The following SHISA6 variants were observed in gnomAD, a reference collection of about 807,000 sequenced individuals.
SHISA6 encodes the protein shisa family member 6.
In SHISA6, 22 loss-of-function variants were observed where a neutral mutation model predicts 47.9. The ratio of observed to expected loss-of-function variants is 0.46; its 90% CI spans 0.33 to 0.66. SHISA6 has a LOEUF of 0.66. Ranked by LOEUF, SHISA6 falls within the 30% of genes least tolerant of loss-of-function variation. The pLI, the probability that SHISA6 is intolerant of heterozygous loss-of-function variation, is 0.02. For missense variants in SHISA6, 680 were observed against 764.6 expected (o/e 0.89, Z 1.30); for synonymous variants, 388 against 337.8 (o/e 1.15, Z -1.63).
chr17:11,266,780 A>G (rs1160496347), intron 2 of SHISA6, among the ~76,000 whole-genome samples: 1 of 152,310 alleles, frequency 6.6e-6, no homozygotes, highest in South Asian at 2.1e-4. Flanking sequence ...GGCAGGGCCC[A>G]TGGGATTGTG....
rs1323883264 is a variant in SHISA6, at chr17:11,277,257, C to CTG, written c.799+13732_799+13733insGT. Among the ~76,000 whole-genome samples the CTG allele has an allele frequency of 8.1e-5, 8 of 99,202 alleles. No individual in the cohort carries two copies. In the South Asian group the frequency reaches 2.3e-3, roughly 28 times the overall value. 65.1% of individuals were successfully genotyped at this position (99,202 alleles called of 152,430 possible). ...GGTTTCTCTTTCTCTCTCTCTCTCT[C>CTG]TCTCTCTCTCTCTCTCTCTCTCTCA... is the stretch of plus-strand genomic sequence containing the variant. On this transcript the variant is annotated intron_variant, in intron 2 of 5. Transcript: ENST00000441885.
At chr17:11,367,382 C>T (rs1365553216) in intron 2 of SHISA6, among the ~76,000 whole-genome samples, 1 of 152,118 alleles carries the variant, frequency 6.6e-6, no homozygotes, top group Admixed American at 6.5e-5. Flanking sequence ...CTGTAAATTC[C>T]CTGTGAACAA....
rs1464896863 is a variant in SHISA6, at chr17:11,514,599, T to C, written c.896-37297T>C. On this transcript the variant is annotated intron_variant, in intron 3 of 5. Coordinates refer to ENST00000441885, the MANE Select transcript of SHISA6 (RefSeq NM_207386.4). ...CCATATGACCTCAGCCTTCCTCACA[T>C]GGGCAGCATCCCCCTGTGAAGCACA... Among the ~76,000 whole-genome samples the C allele has an allele frequency of 3.9e-5, 6 of 152,334 alleles. No homozygotes were observed. In the East Asian group the frequency reaches 7.7e-4, roughly 20 times the overall value.
intron 3 of SHISA6, among the ~76,000 whole-genome samples, chr17:11,534,886 T>C (rs1425666930): frequency 6.6e-6 from 1 of 152,184 alleles, no homozygotes; most frequent in East Asian, 1.9e-4. Context: ...TCCCAGCACT[T>C]TGGGAGGCCA....
intron 2 of SHISA6, chr17:11,290,129 T>G (rs1337509227): frequency 6.6e-6 from 1 of 152,156 alleles, no homozygotes; most frequent in East Asian, 1.9e-4. Flanking sequence ...TCTTTGTTCA[T>G]ATTTTGTTAT....
At chr17:11,396,537 G>T (rs1913577322) in intron 3 of SHISA6, among the ~76,000 whole-genome samples, 1 of 152,298 alleles carries the variant, frequency 6.6e-6, no homozygotes, top group African/African-American at 2.4e-5. Context: ...TGGAATTTCT[G>T]GTTCTAGATC....
intron 1 of SHISA6, among the ~76,000 whole-genome samples, chr17:11,248,139 A>G (rs1396169798): frequency 6.6e-6 from 1 of 152,268 alleles, no homozygotes; most frequent in Non-Finnish European, 1.5e-5. Context: ...TTACCAGTGA[A>G]TCCTCAGAGG....
chr17:11,251,871 C>G (rs1444305180), intron 1 of SHISA6, among the ~76,000 whole-genome samples: 1 of 152,168 alleles, frequency 6.6e-6, no homozygotes, highest in East Asian at 1.9e-4. Flanking sequence ...TACTCTCCAG[C>G]TCCCAACCTG....
chr17:11,407,478 A>G (rs984825469), intron 3 of SHISA6, among the ~76,000 whole-genome samples: 1 of 138,282 alleles, frequency 7.2e-6, no homozygotes, highest in Non-Finnish European at 1.6e-5. Flanking sequence ...AGCAGTCCTC[A>G]AAGTTTAGCA....
At chr17:11,483,871 G>A (rs980749521) in intron 3 of SHISA6, among the ~76,000 whole-genome samples, 1 of 152,138 alleles carries the variant, frequency 6.6e-6, no homozygotes, top group Admixed American at 6.5e-5. Context: ...CAGGAGGATC[G>A]CTTGAGTCCA....
At chr17:11,257,677 AAAAG>A (rs1908070388) in intron 1 of SHISA6, among the ~76,000 whole-genome samples, 1 of 151,228 alleles carries the variant, frequency 6.6e-6, no homozygotes, top group Non-Finnish European at 1.5e-5. Context: ...AAAAAAGAAA[AAAAG>A]AAAAGAAAAG....
intron 2 of SHISA6, among the ~76,000 whole-genome samples, chr17:11,305,603 G>C (rs1230439571): frequency 6.6e-6 from 1 of 152,254 alleles, no homozygotes; most frequent in Non-Finnish European, 1.5e-5. Flanking sequence ...GAAATCGGAA[G>C]TTTCTCTCTT....
intron 2 of SHISA6, among the ~76,000 whole-genome samples, chr17:11,267,522 G>C (rs1396828155): frequency 6.6e-6 from 1 of 152,116 alleles, no homozygotes; most frequent in Non-Finnish European, 1.5e-5. Flanking sequence ...AATTTACTTG[G>C]TCTATAGTAG....
intron 3 of SHISA6, among the ~76,000 whole-genome samples, chr17:11,430,119 A>C (rs1027608539): frequency 6.6e-5 from 10 of 152,210 alleles, no homozygotes; most frequent in Non-Finnish European, 1.3e-4. Flanking sequence ...TAAGTGTCAC[A>C]CAGCTAAGAA....
intron 3 of SHISA6, among the ~76,000 whole-genome samples, chr17:11,512,917 C>A (rs1300572053): frequency 6.6e-6 from 1 of 151,812 alleles, no homozygotes; most frequent in African/African-American, 2.4e-5. Flanking sequence ...AGATTATTTT[C>A]AATTTTTTGG....
chr17:11,558,619 C>A lies in SHISA6; in HGVS notation c.*315C>A. ...CAACTCCCTTTCCGTCCCGCGCCTC[C>A]TTCTCCCCATCCGGGGGACTCAGCT... On this transcript the variant is annotated 3_prime_UTR_variant, in exon 6 of 6. Transcript: ENST00000441885. 2.5e-6 allele frequency: 1 copy of A among 403,864 alleles called. No individual in the cohort carries two copies. The highest frequency in any genetic ancestry group is 4.5e-6 in the Non-Finnish European group (1 of 220,520). The allele number at this position is 403,864 out of a possible 1,614,324, so 25.0% of individuals were successfully genotyped here.
chr17:11,242,494 C>G (rs1293700935), intron 1 of SHISA6, among the ~76,000 whole-genome samples: 1 of 152,130 alleles, frequency 6.6e-6, no homozygotes, highest in Admixed American at 6.6e-5. Context: ...AAAGCGGTAC[C>G]AAGTGGCTTA....
intron 3 of SHISA6, among the ~76,000 whole-genome samples, chr17:11,488,030 G>A (rs1338712970): frequency 6.6e-6 from 1 of 152,218 alleles, no homozygotes; most frequent in Admixed American, 6.5e-5. Context: ...TGGGGTTCAG[G>A]AGCAGTGGGA....
At chr17:11,394,358 T>C (rs990456626) in intron 3 of SHISA6, among the ~76,000 whole-genome samples, 6 of 152,238 alleles carry the variant, frequency 3.9e-5, no homozygotes, top group Non-Finnish European at 7.3e-5. Flanking sequence ...TTTTCATTTC[T>C]AATATTCCAG....
Sources: gnomAD v4.1 joint callset for allele counts (sites outside exome capture counted in the v4.1 genomes callset) on GRCh38, gnomAD v4.1.1 for gene constraint, MANE v1.5 for transcripts, NCBI Gene and HGNC (gene_info 2026-07-23, HGNC 2026-07-21) for gene names.